PCDH15: variants seen among roughly 807,000 people sequenced by gnomAD.
The protein encoded by PCDH15 is protocadherin related 15.
PCDH15 carries 129 observed loss-of-function variants against 178.5 expected under a neutral mutation model. The ratio of observed to expected loss-of-function variants is 0.72; its 90% CI spans 0.63 to 0.84. The LOEUF (loss-of-function observed/expected upper bound fraction) is 0.84, where lower values mean the gene tolerates loss of function less well. PCDH15 is among the 40% of genes least tolerant of loss of function. The probability of loss-of-function intolerance (pLI) is 0.00; values close to 1 mark genes in which losing one functional copy is unlikely to be tolerated. For missense variants in PCDH15, 2,230 were observed against 2,099.9 expected (o/e 1.06, Z -1.21); for synonymous variants, 800 against 732.0 (o/e 1.09, Z -1.50).
intron 2 of PCDH15, among the ~76,000 whole-genome samples, chr10:55,395,358 G>A (rs893020810): frequency 7.2e-5 from 11 of 151,958 alleles, no homozygotes; most frequent in African/African-American, 2.7e-4. Context: ...AGTTAAATCT[G>A]ATATTCAGAC....
At chr10:54,685,947 T>A (rs1001564664) in intron 1 of PCDH15, among the ~76,000 whole-genome samples, 1 of 152,042 alleles carries the variant, frequency 6.6e-6, no homozygotes, top group Non-Finnish European at 1.5e-5. Flanking sequence ...GTATATAAAA[T>A]ATGTGTGTGT....
chr10:54,984,520 T>G (rs1839317603), intron 2 of PCDH15, among the ~76,000 whole-genome samples: 2 of 152,152 alleles, frequency 1.3e-5, no homozygotes, highest in Admixed American at 1.3e-4. Flanking sequence ...GGCTGTCCAT[T>G]CTTAATTGAA....
At chr10:55,446,446 T>G (rs1839318867) in intron 2 of PCDH15, among the ~76,000 whole-genome samples, 1 of 151,968 alleles carries the variant, frequency 6.6e-6, no homozygotes, top group African/African-American at 2.4e-5. Flanking sequence ...AGAAAATCTA[T>G]GTGAAAGGTT....
intron 1 of PCDH15, among the ~76,000 whole-genome samples, chr10:54,666,301 A>G (rs1590930589): frequency 6.6e-6 from 1 of 152,092 alleles, no homozygotes; most frequent in East Asian, 1.9e-4. Flanking sequence ...AGGAAAGGTC[A>G]GGCTCAGAGA....
chr10:55,327,039 C>G lies in PCDH15; in HGVS notation c.-155-160388G>C, dbSNP rs533092290. ...TTGCTGTGGAATGACTGTTTATGTC[C>G]ACACAAAAGCGGTAAAATCCAAAAT... is the stretch of plus-strand genomic sequence containing the variant. On this transcript the variant is annotated intron_variant, in intron 2 of 5. Transcript: ENST00000613346. 5.9e-5 allele frequency among the ~76,000 whole-genome samples: 9 copies of G among 152,118 alleles called. No homozygotes were observed. The South Asian group carries it at 1.9e-3, about 32-fold the overall frequency.
chr10:54,330,868 T>C (rs1564984738), intron 6 of PCDH15, among the ~76,000 whole-genome samples: 1 of 152,012 alleles, frequency 6.6e-6, no homozygotes, highest in African/African-American at 2.4e-5. Flanking sequence ...TTTTGTTCAC[T>C]GAAATTGTCT....
In PCDH15 at chr10:54,637,942, T is replaced by A. The variant is rs138460054; in HGVS notation, c.91+26230A>T. Among the ~76,000 whole-genome samples the A allele has an allele frequency of 1.6e-3, 238 of 152,240 alleles. 1 individual carries two copies. The highest frequency in any genetic ancestry group is 5.4e-3 in the African/African-American group (223 of 41,572). On this transcript the variant is annotated intron_variant, in intron 2 of 37. Transcript: ENST00000644397. ...CTGAAACAGATGAAGACCTTTTATG[T>A]GGACAATACTCAGATCTACTTGACT...
chr10:54,132,805 C>T, intron 15 of PCDH15, 70 bp downstream of exon 15: 1 of 1,551,234 alleles, frequency 6.4e-7, no homozygotes. Flanking sequence ...CAAATATAAA[C>T]TCATTAAATG....
chr10:54,276,456 C>A (rs2058356367), intron 8 of PCDH15, among the ~76,000 whole-genome samples: 1 of 151,612 alleles, frequency 6.6e-6, no homozygotes, highest in South Asian at 2.1e-4. Context: ...TTATTTTATT[C>A]CCATCCTATT....
chr10:55,425,068 C>T (rs1838718777), intron 2 of PCDH15, among the ~76,000 whole-genome samples: 1 of 151,610 alleles, frequency 6.6e-6, no homozygotes, highest in African/African-American at 2.4e-5. Context: ...TTTAAAAGCT[C>T]ATATCTCCAT....
intron 1 of PCDH15, among the ~76,000 whole-genome samples, chr10:54,670,064 A>G (rs144999200): frequency 9.1e-4 from 138 of 152,198 alleles, no homozygotes; most frequent in African/African-American, 3.3e-3. Flanking sequence ...TTTCAAATAA[A>G]AAGAAAATGT....
intron 2 of PCDH15, among the ~76,000 whole-genome samples, chr10:55,464,156 T>G (rs2132098341): frequency 6.6e-6 from 1 of 152,316 alleles, no homozygotes; most frequent in Non-Finnish European, 1.5e-5. Flanking sequence ...AATGTTGTTT[T>G]GTTTAATCAT....
chr10:54,163,441 T>C (rs7906417), intron 13 of PCDH15, among the ~76,000 whole-genome samples: 97,102 of 151,754 alleles, frequency 0.64, 32,533 homozygotes, highest in East Asian at 0.89. Context: ...AAGTGCCATA[T>C]ACTTTTAAAC....
At chr10:54,946,960 T>G (rs562547271) in intron 2 of PCDH15, among the ~76,000 whole-genome samples, 1 of 152,046 alleles carries the variant, frequency 6.6e-6, no homozygotes, top group East Asian at 1.9e-4. Context: ...CAATGCTCTA[T>G]TCACAGTTAC....
rs780363244 is a variant in PCDH15, at chr10:53,806,578, G to T, written c.*1C>A. On this transcript the variant is annotated 3_prime_UTR_variant, in exon 38 of 38. Coordinates refer to ENST00000644397, the MANE Select transcript of PCDH15 (RefSeq NM_001384140.1). ...AATTAAAATATCTTTTAAAAAATTG[G>T]TCACAGTTTTGTCATTGGTATATGG... is the stretch of plus-strand genomic sequence containing the variant. 11 of 1,577,772 alleles carry T rather than the reference G, an allele frequency of 7.0e-6. No homozygotes were observed. The Admixed American group carries it at 1.8e-4, about 26-fold the overall frequency.
At chr10:53,908,187 G>C (rs1023570796) in intron 25 of PCDH15, among the ~76,000 whole-genome samples, 1 of 152,184 alleles carries the variant, frequency 6.6e-6, no homozygotes, top group Non-Finnish European at 1.5e-5. Flanking sequence ...GGAATTAAAT[G>C]AGTAGAGGTC....
intron 21 of PCDH15, among the ~76,000 whole-genome samples, chr10:53,964,802 G>C (rs556612316): frequency 6.6e-6 from 1 of 152,192 alleles, no homozygotes; most frequent in South Asian, 2.1e-4. Context: ...GACAGAATCA[G>C]ACTTATTATA....
At chr10:55,584,315 A>G (rs1337296198) in intron 2 of PCDH15, among the ~76,000 whole-genome samples, 1 of 151,644 alleles carries the variant, frequency 6.6e-6, no homozygotes, top group Non-Finnish European at 1.5e-5. Flanking sequence ...TAGTATATGT[A>G]AAAAAGTGTC....
intron 7 of PCDH15, among the ~76,000 whole-genome samples, chr10:54,324,713 C>G (rs556192369): frequency 6.6e-6 from 1 of 151,928 alleles, no homozygotes; most frequent in Non-Finnish European, 1.5e-5. Flanking sequence ...TGCAGTGAAC[C>G]GAGATCACCC....
Sources: allele counts gnomAD v4.1 joint callset (sites outside exome capture counted in the v4.1 genomes callset), GRCh38; gene constraint gnomAD v4.1.1; transcripts MANE v1.5; gene names NCBI Gene and HGNC (gene_info 2026-07-23, HGNC 2026-07-21).